UTS2: variants seen among roughly 807,000 people sequenced by gnomAD.
UTS2 encodes the protein urotensin 2.
A neutral mutation model predicts 12.6 loss-of-function variants in UTS2; 10 were observed. The observed-to-expected ratio is 0.80, with a 90% CI of 0.49 to 1.35. The LOEUF is 1.35. Ranked by LOEUF, UTS2 falls within the 40% of genes most tolerant of loss-of-function variation. The pLI, the probability that UTS2 is intolerant of heterozygous loss-of-function variation, is 0.00. For synonymous variants in UTS2, 52 were observed against 50.0 expected, an observed-to-expected ratio of 1.04 and a Z score of -0.17; for missense variants, 142 against 143.2, an observed-to-expected ratio of 0.99 and a Z score of 0.04.
chr1:7,854,342 TAAAA>T (rs71567319), upstream of UTS2, among the ~76,000 whole-genome samples: 2 of 121,680 alleles, frequency 1.6e-5, no homozygotes, highest in Admixed American at 8.2e-5. Context: ...AGACTCTGTC[TAAAA>T]AAAAAAAAAA....
chr1:7,850,990 C>G, intron 1 of UTS2, 68 bp from the exon 2 acceptor site: 1 of 1,495,596 alleles, frequency 6.7e-7, no homozygotes. Context: ...TTCCTTGTGT[C>G]TTTGGCGAGC....
At chr1:7,858,904 G>T in the UTS2 span, among the ~76,000 whole-genome samples, 1 of 152,138 alleles carries the variant, frequency 6.6e-6, no homozygotes, top group African/African-American at 2.4e-5. Flanking sequence ...CTGAATATGA[G>T]GTTACATTGA....
the UTS2 span, among the ~76,000 whole-genome samples, chr1:7,865,717 G>A: frequency 6.6e-6 from 1 of 152,292 alleles, no homozygotes; most frequent in South Asian, 2.1e-4. Flanking sequence ...AAGATCACTT[G>A]AGGCCAGGAG....
chr1:7,860,501 C>G, the UTS2 span, among the ~76,000 whole-genome samples: 1 of 152,162 alleles, frequency 6.6e-6, no homozygotes, highest in African/African-American at 2.4e-5. Flanking sequence ...TAAGGACTTT[C>G]TGTTTTAAAA....
At chr1:7,905,887 G>A in the UTS2 span, among the ~76,000 whole-genome samples, 9,153 of 151,662 alleles carry the variant, frequency 0.06, 1,232 homozygotes, top group East Asian at 0.54. Flanking sequence ...TGGACATTTC[G>A]TAGTGATGAA....
At chr1:7,851,888 A>G (rs2097414529) in intron 1 of UTS2, among the ~76,000 whole-genome samples, 1 of 152,216 alleles carries the variant, frequency 6.6e-6, no homozygotes, top group African/African-American at 2.4e-5. Flanking sequence ...TTACTTGTAA[A>G]ATTTTTTAAG....
the UTS2 span, among the ~76,000 whole-genome samples, chr1:7,913,198 T>C: frequency 6.6e-6 from 1 of 150,950 alleles, no homozygotes; most frequent in African/African-American, 2.4e-5. Context: ...GTTTTCGGCC[T>C]AGTCCTGCCC....
the UTS2 span, among the ~76,000 whole-genome samples, chr1:7,881,193 G>C: frequency 2.6e-5 from 4 of 152,122 alleles, no homozygotes; most frequent in Non-Finnish European, 5.9e-5. Flanking sequence ...ATACTGAATG[G>C]GGAAAAGCTG....
the UTS2 span, among the ~76,000 whole-genome samples, chr1:7,894,398 T>C: frequency 6.6e-6 from 1 of 151,992 alleles, no homozygotes; most frequent in African/African-American, 2.4e-5. Context: ...CGTCTCAGAC[T>C]CCTGATCTCA....
At chr1:7,855,561 G>A (rs149858857), upstream of UTS2, among the ~76,000 whole-genome samples, 565 of 152,154 alleles carry the variant, frequency 3.7e-3, 2 homozygotes, top group Admixed American at 8.8e-3. Context: ...TCCAGCCTGG[G>A]CAATATGACA....
the UTS2 span, among the ~76,000 whole-genome samples, chr1:7,911,952 T>C: frequency 6.6e-6 from 1 of 151,768 alleles, no homozygotes; most frequent in Non-Finnish European, 1.5e-5. Flanking sequence ...TTCTGGCTTG[T>C]TATATACCTT....
chr1:7,896,774 C>A, the UTS2 span, among the ~76,000 whole-genome samples: 1 of 151,862 alleles, frequency 6.6e-6, no homozygotes, highest in Non-Finnish European at 1.5e-5. Context: ...CAGCTCACTG[C>A]AACTTCCACC....
chr1:7,852,794 G>T (rs1183343929), intron 1 of UTS2, 107 bp downstream of exon 1: 1 of 1,283,332 alleles, frequency 7.8e-7, no homozygotes, highest in Non-Finnish European at 1.1e-6. Flanking sequence ...GAGAGAACAA[G>T]ACTCCAGACT....
chr1:7,891,536 A>AAAAGAGAGAAAGAAAG, the UTS2 span, among the ~76,000 whole-genome samples: 1 of 109,820 alleles, frequency 9.1e-6, no homozygotes, highest in East Asian at 2.8e-4. Context: ...AGAAAGAAAG[A>AAAAGAGAGAAAGAAAG]AAAGAAAGAA....
chr1:7,877,126 C>CAAAAAAAAA, the UTS2 span, among the ~76,000 whole-genome samples: 2 of 62,764 alleles, frequency 3.2e-5, no homozygotes, highest in East Asian at 5.2e-4. Context: ...GAGACTCTAT[C>CAAAAAAAAA]AAAAAAAAAA....
At chr1:7,884,283 C>T in the UTS2 span, among the ~76,000 whole-genome samples, 1 of 150,310 alleles carries the variant, frequency 6.7e-6, no homozygotes, top group African/African-American at 2.5e-5. Flanking sequence ...TACATATGTA[C>T]CTGGCCAAAT....
At chr1:7,879,058 C>T in the UTS2 span, among the ~76,000 whole-genome samples, 2 of 152,156 alleles carry the variant, frequency 1.3e-5, no homozygotes, top group Admixed American at 1.3e-4. Context: ...AATACAATAA[C>T]AGTTGGAGAC....
At chr1:7,892,034 T>C in the UTS2 span, among the ~76,000 whole-genome samples, 1 of 152,132 alleles carries the variant, frequency 6.6e-6, no homozygotes, top group African/African-American at 2.4e-5. Flanking sequence ...TCCCTCAAGA[T>C]TCAGGGCTGG....
the UTS2 span, among the ~76,000 whole-genome samples, chr1:7,876,565 C>A: frequency 6.6e-6 from 1 of 152,246 alleles, no homozygotes; most frequent in South Asian, 2.1e-4. Flanking sequence ...CCTGGAGACC[C>A]AAAGATTGTC....
Sources: allele counts gnomAD v4.1 joint callset (sites outside exome capture counted in the v4.1 genomes callset), GRCh38; gene constraint gnomAD v4.1.1; transcripts MANE v1.5; gene names NCBI Gene and HGNC (gene_info 2026-07-23, HGNC 2026-07-21).